The following AAMDC variants were observed in gnomAD, a reference collection of about 807,000 sequenced individuals.
AAMDC encodes the protein adipogenesis associated Mth938 domain containing.
Under a neutral mutation model 15.5 loss-of-function variants are expected in AAMDC, and 16 were observed. The observed-to-expected ratio is 1.03, with a 90% CI of 0.70 to 1.57. The LOEUF (loss-of-function observed/expected upper bound fraction) is 1.57. AAMDC is among the 40% of genes most tolerant of loss of function. AAMDC has a pLI of 0.00. For synonymous variants in AAMDC, 51 were observed against 51.6 expected (o/e 0.99, Z 0.05); for missense variants, 141 against 144.9 (o/e 0.97, Z 0.14).
chr11:77,844,118 C>A (rs906926925), intron 2 of AAMDC, among the ~76,000 whole-genome samples: 3 of 152,100 alleles, frequency 2.0e-5, no homozygotes, highest in African/African-American at 7.2e-5. Flanking sequence ...CAGCCCTCTT[C>A]TAGTTTGCAG....
chr11:77,905,498 G>A (rs1952921371), downstream of AAMDC, among the ~76,000 whole-genome samples: 1 of 151,356 alleles, frequency 6.6e-6, no homozygotes, highest in Admixed American at 6.6e-5. Flanking sequence ...CGGACTCTCT[G>A]GGTTCTGCTG....
Position 77,891,330 on chromosome 11 carries a change from C to A in AAMDC, c.329-9241C>A, listed in dbSNP as rs138031219. The A allele has an allele frequency of 1.2e-6, 2 of 1,610,144 alleles. No individual in the cohort carries two copies. The highest frequency in any genetic ancestry group is 3.4e-5 in the Admixed American group (2 of 59,652). ...CAAACCCGACAGACCTGGACCTTAA[C>A]AGTGTTCTGAGGATCCTGCACATGC... On this transcript the variant is annotated intron_variant, in intron 5 of 5. Transcript: ENST00000304716.
intron 2 of AAMDC, among the ~76,000 whole-genome samples, chr11:77,857,977 A>C (rs2136231002): frequency 6.6e-6 from 1 of 152,222 alleles, no homozygotes; most frequent in South Asian, 2.1e-4. Flanking sequence ...TACAGGCGTG[A>C]GCCAACGTGC....
At chr11:77,895,054 A>T (rs1466205400) in intron 5 of AAMDC, among the ~76,000 whole-genome samples, 1 of 152,220 alleles carries the variant, frequency 6.6e-6, no homozygotes, top group Non-Finnish European at 1.5e-5. Flanking sequence ...GGCGACAGAC[A>T]TAGATGGTGT....
intron 5 of AAMDC, among the ~76,000 whole-genome samples, chr11:77,878,166 T>G (rs548775210): frequency 7.2e-5 from 11 of 151,854 alleles, no homozygotes; most frequent in South Asian, 2.1e-4. Flanking sequence ...ATCAAGACCA[T>G]CCTGGCTAAC....
downstream of AAMDC, among the ~76,000 whole-genome samples, chr11:77,904,172 C>T (rs1414961101): frequency 6.6e-6 from 1 of 152,184 alleles, no homozygotes; most frequent in Non-Finnish European, 1.5e-5. Context: ...CTCTCCTCAC[C>T]TATCCATCCA....
At chr11:77,903,500 G>A (rs760451108), downstream of AAMDC, 2 of 1,607,350 alleles carry the variant, frequency 1.2e-6, no homozygotes, top group East Asian at 2.2e-5. Context: ...ACAATTACTG[G>A]ACAGAGACCT....
intron 5 of AAMDC, among the ~76,000 whole-genome samples, chr11:77,881,283 G>T (rs1380581343): frequency 6.6e-5 from 10 of 152,202 alleles, no homozygotes; most frequent in Admixed American, 6.5e-4. Flanking sequence ...TTGAAACATG[G>T]TCTATGACTG....
At position 77,891,815 on chromosome 11, in the gene AAMDC, A is replaced by G. The variant is rs1201572684; in HGVS notation, c.329-8756A>G. ...AGTTTGTCCACAAAGCTGTCCTGCA[A>G]GTGGGGCAAATCAGCGATGAAATAC... On this transcript the variant is annotated intron_variant, in intron 5 of 5. Transcript: ENST00000304716. 36 of 1,611,622 alleles carry G rather than the reference A, an allele frequency of 2.2e-5. 1 individual carries two copies. The highest frequency in any genetic ancestry group is 3.1e-5 in the Non-Finnish European group (36 of 1,179,642).
At chr11:77,854,074 T>C (rs1950511528) in intron 2 of AAMDC, among the ~76,000 whole-genome samples, 1 of 141,334 alleles carries the variant, frequency 7.1e-6, no homozygotes, top group Middle Eastern at 4.1e-3. Flanking sequence ...CACTGCAACC[T>C]CCACCTCCCA....
chr11:77,876,979 T>A (rs1244377676), downstream of AAMDC: 4 of 703,342 alleles, frequency 5.7e-6, no homozygotes, highest in East Asian at 1.1e-4. Flanking sequence ...CATCAGGTGT[T>A]CATGTCAGGG....
chr11:77,835,597 A>G (rs2136100056), intron 1 of AAMDC, among the ~76,000 whole-genome samples: 1 of 152,266 alleles, frequency 6.6e-6, no homozygotes, highest in East Asian at 1.9e-4. Flanking sequence ...TAATTTTCCT[A>G]TGCATTTCCT....
At chr11:77,864,932 G>A (rs1352629814) in intron 2 of AAMDC, among the ~76,000 whole-genome samples, 2 of 152,018 alleles carry the variant, frequency 1.3e-5, no homozygotes, top group African/African-American at 2.4e-5. Context: ...AGCCCTGATT[G>A]CACCACTGCC....
At chr11:77,859,095 G>A (rs946160593) in intron 2 of AAMDC, among the ~76,000 whole-genome samples, 1 of 152,190 alleles carries the variant, frequency 6.6e-6, no homozygotes, top group South Asian at 2.1e-4. Flanking sequence ...CCATTGGTTA[G>A]CTGCAGGCAA....
At chr11:77,831,974 GT>G (rs959034597) in intron 1 of AAMDC, 1 of 148,942 alleles carries the variant, frequency 6.7e-6, no homozygotes, top group Non-Finnish European at 1.5e-5. Context: ...CCTCTCAGAA[GT>G]GCTGGGATTA....
chr11:77,879,541 C>A (rs769996194), intron 5 of AAMDC, among the ~76,000 whole-genome samples: 2 of 152,182 alleles, frequency 1.3e-5, no homozygotes, highest in Non-Finnish European at 2.9e-5. Context: ...GCTGCATGTA[C>A]CACAGACTAC....
intron 5 of AAMDC, chr11:77,891,838 T>C (rs1419331637): frequency 8.7e-6 from 14 of 1,611,166 alleles, no homozygotes; most frequent in Non-Finnish European, 1.2e-5. Flanking sequence ...AGCGATGAAA[T>C]ACCTGGAGGA....
intron 1 of AAMDC, chr11:77,841,254 A>C: frequency 1.4e-6 from 1 of 702,390 alleles, no homozygotes; most frequent in Non-Finnish European, 2.6e-6. Context: ...TTATAATGGC[A>C]GTTAAATTTA....
downstream of AAMDC, chr11:77,901,218 G>A: frequency 1.6e-6 from 1 of 639,736 alleles, no homozygotes; most frequent in Non-Finnish European, 2.7e-6. Flanking sequence ...GCAAGGGAGA[G>A]ACACAATTGG....
Sources: gnomAD v4.1 joint callset for allele counts (sites outside exome capture counted in the v4.1 genomes callset) on GRCh38, gnomAD v4.1.1 for gene constraint, MANE v1.5 for transcripts, NCBI Gene and HGNC (gene_info 2026-07-23, HGNC 2026-07-21) for gene names.